Variants in ZDHHC3 observed in about 807,000 individuals in gnomAD.
ZDHHC3 encodes palmitoyltransferase ZDHHC3.
ZDHHC3 carries 9 observed loss-of-function variants against 30.6 expected under a neutral mutation model. That is an observed-to-expected ratio of 0.29 (90% CI 0.18 to 0.51). ZDHHC3 has a LOEUF of 0.51. Among genes scored for constraint, ZDHHC3 ranks in the 20% least tolerant of loss-of-function variants. The probability of loss-of-function intolerance (pLI) is 0.97; values close to 1 mark genes in which losing one functional copy is unlikely to be tolerated. For missense variants in ZDHHC3, 246 were observed against 384.2 expected, an observed-to-expected ratio of 0.64 and a Z score of 3.01; for synonymous variants, 136 against 140.2, an observed-to-expected ratio of 0.97 and a Z score of 0.21.
chr3:44,943,517 C>G (rs547161767), intron 3 of ZDHHC3, among the ~76,000 whole-genome samples: 1 of 152,252 alleles, frequency 6.6e-6, no homozygotes, highest in South Asian at 2.1e-4. Context: ...CTCTGAAAGA[C>G]AGGCAGCAAG....
In ZDHHC3 at chr3:44,959,006, T is replaced by C; in HGVS notation, c.306+125A>G. On this transcript the variant is annotated intron_variant, in intron 2 of 6. Transcript: ENST00000424952. This position sits in a 1 kb window ranked among gnomAD's most constrained non-coding sequence, Gnocchi z 4.3. ...CTGAACAAGGCAGAGATCTACTTCC[T>C]CACCCTCCCCTGGCCCTCCTATCCT... is the stretch of plus-strand genomic sequence containing the variant. 8.3e-7 allele frequency: 1 copy of C among 1,200,058 alleles called. No homozygotes were observed. The highest frequency in any genetic ancestry group is 1.2e-6 in the Non-Finnish European group (1 of 853,120). The allele number at this position is 1,200,058 out of a possible 1,614,324, so 74.3% of individuals were successfully genotyped here.
intron 1 of ZDHHC3, among the ~76,000 whole-genome samples, chr3:44,963,730 C>A (rs1704683141): frequency 6.6e-6 from 1 of 152,152 alleles, no homozygotes; most frequent in South Asian, 2.1e-4. Flanking sequence ...TGGGACAGGG[C>A]CCCGAAGATG....
At chr3:44,941,397 C>T (rs1338495269) in intron 3 of ZDHHC3, among the ~76,000 whole-genome samples, 1 of 152,146 alleles carries the variant, frequency 6.6e-6, no homozygotes, top group Non-Finnish European at 1.5e-5. Flanking sequence ...AACTTAGGTT[C>T]TCCAATCAGC....
rs925995301 is a variant in ZDHHC3, at chr3:44,929,455, A to G, written c.611-19T>C. 4 of 1,613,140 alleles carry G rather than the reference A, an allele frequency of 2.5e-6. No homozygotes were observed. The highest frequency in any genetic ancestry group is 3.4e-6 in the Non-Finnish European group (4 of 1,179,576). ...CTGCACTCTGAAAGAGAAGCAGCAC[A>G]CAGGGATTGGTACTGTCACCCACTG... On this transcript the variant is annotated intron_variant, in intron 5 of 6. Coordinates refer to ENST00000424952, the MANE Select transcript of ZDHHC3 (RefSeq NM_001135179.2).
rs977064832 is a variant in ZDHHC3 at position 44,921,839 on chromosome 3, A to T, written c.*4850T>A. Reference sequence around the variant, plus strand: ...CAGGACCCAAATACTTGGTCACCAGACTATATGGCCTCAGCTGCAGAAATT... The same window carrying T: ...CAGGACCCAAATACTTGGTCACCAGTCTATATGGCCTCAGCTGCAGAAATT... On this transcript the variant is annotated 3_prime_UTR_variant, in exon 7 of 7. Transcript: ENST00000424952. 8.1e-6 allele frequency: 8 copies of T among 985,276 alleles called. No individual in the cohort carries two copies. Among genetic ancestry groups the T allele is most frequent in the Middle Eastern group, 5.2e-4 (1 of 1,936 alleles). The allele number at this position is 985,276 out of a possible 1,614,324, so 61.0% of individuals were successfully genotyped here.
At chr3:44,975,539 A>T (rs1705852950) in intron 1 of ZDHHC3, 2 of 152,156 alleles carry the variant, frequency 1.3e-5, no homozygotes, top group South Asian at 4.2e-4. Context: ...ACAGAGAGTG[A>T]GCGAGCCAGC....
At chr3:44,935,648 A>C (rs1477513334) in intron 3 of ZDHHC3, among the ~76,000 whole-genome samples, 1 of 152,200 alleles carries the variant, frequency 6.6e-6, no homozygotes, top group Non-Finnish European at 1.5e-5. Context: ...ATAGTTCAAC[A>C]ATGTACAGCC....
At chr3:44,972,375 A>G (rs1489211694) in intron 1 of ZDHHC3, among the ~76,000 whole-genome samples, 3 of 152,218 alleles carry the variant, frequency 2.0e-5, no homozygotes, top group African/African-American at 7.2e-5. Flanking sequence ...AGGCACAAGA[A>G]TTGCTTGAAC....
chr3:44,975,169 ATCCACACGGC>A (rs1412697447), intron 1 of ZDHHC3: 1 of 151,524 alleles, frequency 6.6e-6, no homozygotes, highest in African/African-American at 2.4e-5. Context: ...TCTCCCATTT[ATCCACACGGC>A]TCCTTTAAAA....
chr3:44,926,754 C>A lies in ZDHHC3; in HGVS notation c.835G>T (p.Gly279Cys). 6.2e-7 allele frequency: 1 copy of A among 1,614,022 alleles called. No homozygotes were observed. Among genetic ancestry groups the A allele is most frequent in the East Asian group, 2.2e-5 (1 of 44,858 alleles). Residue 279 changes from glycine to cysteine, a missense_variant, in exon 7 of 7, where the codon GGC becomes TGC. Physicochemically the swap from Gly to Cys is radical, Grantham distance 159. Transcript: ENST00000424952. The stretch of plus-strand genomic sequence containing the variant: ...GGCGTGGCAAAGGGGCTGGCCCAGC[C>A]TAGAGAGAAGGGGTGGCCAAAAACG... Reference protein sequence around the residue: ...KAVFGHPFSLGWASPFATPDQ... With the variant: ...KAVFGHPFSLCWASPFATPDQ...
intron 2 of ZDHHC3, among the ~76,000 whole-genome samples, chr3:44,949,344 A>C (rs1703232907): frequency 6.6e-6 from 1 of 152,106 alleles, no homozygotes; most frequent in South Asian, 2.1e-4. Flanking sequence ...AAAAGAAAAA[A>C]AATGTGTGGT....
At position 44,916,774 on chromosome 3, in the gene ZDHHC3, C is replaced by G. The variant is rs1333645883; in HGVS notation, c.*9915G>C. The G allele has an allele frequency of 6.6e-6, 1 of 152,224 alleles. No individual in the cohort carries two copies. The highest frequency in any genetic ancestry group is 2.4e-5 in the African/African-American group (1 of 41,430). The allele number at this position is 152,224 out of a possible 1,614,324, so 9.4% of individuals were successfully genotyped here. On this transcript the variant is annotated 3_prime_UTR_variant, in exon 7 of 7. Transcript: ENST00000424952. Reference sequence around the variant, plus strand: ...CTGCTCAGACCTTCAGCAGTGGTCACAGACACCACAGGCTTCAAATGGGGT... The same window carrying G: ...CTGCTCAGACCTTCAGCAGTGGTCAGAGACACCACAGGCTTCAAATGGGGT...
Position 44,952,380 on chromosome 3 carries a change from C to T in ZDHHC3, c.306+6751G>A, listed in dbSNP as rs148031694. Among the ~76,000 whole-genome samples, 8 of 152,298 alleles carry T rather than the reference C, an allele frequency of 5.3e-5. No homozygotes were observed. The East Asian group carries it at 1.5e-3, about 29-fold the overall frequency. ...TGCCCCAGACTATTAGAGCATCTCC[C>T]AGGTCTTCCTGCCTCTAGTCTCTCC... On this transcript the variant is annotated intron_variant, in intron 2 of 6. Coordinates refer to ENST00000424952, the MANE Select transcript of ZDHHC3 (RefSeq NM_001135179.2).
intron 3 of ZDHHC3, chr3:44,938,053 G>A (rs187520115): frequency 7.9e-5 from 23 of 291,742 alleles, no homozygotes; most frequent in African/African-American, 4.2e-4. Context: ...GTGTGATCTC[G>A]GCTCACTGCA....
In ZDHHC3 at chr3:44,926,239, C is replaced by G; in HGVS notation, c.*450G>C. 1.0e-6 allele frequency: 1 copy of G among 986,662 alleles called. No individual in the cohort carries two copies. The highest frequency in any genetic ancestry group is 1.2e-6 in the Non-Finnish European group (1 of 830,794). 61.1% of individuals were successfully genotyped at this position (986,662 alleles called of 1,614,324 possible). On this transcript the variant is annotated 3_prime_UTR_variant, in exon 7 of 7. Transcript: ENST00000424952. ...CCATCTTCGGTGAGGTTTTATGTCC[C>G]ATCGGGGAGCCCGCCACTGCCTCCT...
rs942360650 is a variant in ZDHHC3, at chr3:44,917,484, G to A, written c.*9205C>T. On this transcript the variant is annotated 3_prime_UTR_variant, in exon 7 of 7. Coordinates refer to ENST00000424952, the MANE Select transcript of ZDHHC3 (RefSeq NM_001135179.2). ...ACAACCTTACTTCTCAAAGCCAGGA[G>A]CCAGGGGCCCAGCCTTCCCAAGAGA... 8 of 200,458 alleles carry A rather than the reference G, an allele frequency of 4.0e-5. No homozygotes were observed. The highest frequency in any genetic ancestry group is 1.0e-5 in the Non-Finnish European group (1 of 96,544). The allele number at this position is 200,458 out of a possible 1,614,324, so 12.4% of individuals were successfully genotyped here. A position where few individuals can be genotyped will look rare whatever the true frequency, so the allele number is the denominator to read the frequency against.
At chr3:44,943,031 T>C (rs1228836685) in intron 3 of ZDHHC3, among the ~76,000 whole-genome samples, 3 of 152,082 alleles carry the variant, frequency 2.0e-5, no homozygotes, top group African/African-American at 7.2e-5. Context: ...AGGCAAGCCT[T>C]GAATTAGATC....
intron 1 of ZDHHC3, among the ~76,000 whole-genome samples, chr3:44,967,127 C>A (rs965273452): frequency 3.3e-5 from 5 of 152,182 alleles, no homozygotes; most frequent in African/African-American, 1.2e-4. Context: ...TACCTCCAAG[C>A]CAAACCTTAC....
chr3:44,958,077 G>T (rs1015521731), intron 2 of ZDHHC3, among the ~76,000 whole-genome samples: 2 of 152,128 alleles, frequency 1.3e-5, no homozygotes, highest in African/African-American at 4.8e-5. Flanking sequence ...TGGCTGTCCC[G>T]CATGCAGTGC....
Sources: allele counts gnomAD v4.1 joint callset (sites outside exome capture counted in the v4.1 genomes callset), GRCh38; gene constraint gnomAD v4.1.1; non-coding constraint Gnocchi (gnomAD v3.1); transcripts MANE v1.5; gene names NCBI Gene and HGNC (gene_info 2026-07-23, HGNC 2026-07-21).